The following BRINP3 variants were observed in gnomAD, a reference collection of about 807,000 sequenced individuals.
BRINP3 encodes BMP/retinoic acid inducible neural specific 3.
A neutral mutation model predicts 71.0 loss-of-function variants in BRINP3; 19 were observed. That is an observed-to-expected ratio of 0.27 (90% confidence interval 0.19 to 0.39). The LOEUF is 0.39. Ranked by LOEUF, BRINP3 falls within the 10% of genes least tolerant of loss-of-function variation. The pLI is 1.00. For synonymous variants in BRINP3, 380 were observed against 337.7 expected, an observed-to-expected ratio of 1.13 and a Z score of -1.37; for missense variants, 959 against 940.8, an observed-to-expected ratio of 1.02 and a Z score of -0.25.
chr1:190,158,459 T>TTA (rs535711800), intron 7 of BRINP3, among the ~76,000 whole-genome samples: 145 of 152,134 alleles, frequency 9.5e-4, no homozygotes, highest in African/African-American at 2.6e-3. Context: ...CTAGAGACTA[T>TTA]TAGAGTGGAG....
At chr1:190,197,278 A>G (rs780808214) in intron 6 of BRINP3, among the ~76,000 whole-genome samples, 2 of 152,172 alleles carry the variant, frequency 1.3e-5, no homozygotes, top group Non-Finnish European at 2.9e-5. Context: ...GGAAAGAGAC[A>G]GAGCCAAACC....
chr1:190,326,333 G>A lies in BRINP3; in HGVS notation c.237-44583C>T, dbSNP rs1571754539. ...ATTATTGGCATTCCTGAGAGAGAAG[G>A]AGAAAAAGCATATTTGAATATGCCA... On this transcript the variant is annotated intron_variant, in intron 2 of 7. Coordinates refer to ENST00000367462, the MANE Select transcript of BRINP3 (RefSeq NM_199051.3). 2.6e-5 allele frequency among the ~76,000 whole-genome samples: 4 copies of A among 152,116 alleles called. No individual in the cohort carries two copies. The South Asian group carries it at 8.3e-4, about 32-fold the overall frequency.
chr1:190,256,868 A>G (rs1660708619), intron 4 of BRINP3, among the ~76,000 whole-genome samples: 1 of 152,042 alleles, frequency 6.6e-6, no homozygotes, highest in African/African-American at 2.4e-5. Context: ...TTTTAGTCTG[A>G]CGTGCTACCC....
At chr1:190,180,207 A>C (rs1489179147) in intron 6 of BRINP3, among the ~76,000 whole-genome samples, 3 of 152,112 alleles carry the variant, frequency 2.0e-5, no homozygotes, top group Non-Finnish European at 4.4e-5. Flanking sequence ...TCCTAATTTC[A>C]CCTGTTTGGT....
At chr1:190,213,963 C>T (rs910285869) in intron 6 of BRINP3, among the ~76,000 whole-genome samples, 6 of 151,902 alleles carry the variant, frequency 3.9e-5, no homozygotes, top group Non-Finnish European at 7.4e-5. Flanking sequence ...AGAAAGCAAC[C>T]TGAGAAAACT....
intron 2 of BRINP3, among the ~76,000 whole-genome samples, chr1:190,353,285 T>C (rs956653952): frequency 6.6e-6 from 1 of 152,052 alleles, no homozygotes; most frequent in Non-Finnish European, 1.5e-5. Flanking sequence ...TACCATCTTT[T>C]AGTATTCCTC....
At chr1:190,310,673 A>G (rs1181343520) in intron 2 of BRINP3, among the ~76,000 whole-genome samples, 3 of 151,568 alleles carry the variant, frequency 2.0e-5, no homozygotes, top group Admixed American at 6.6e-5. Context: ...TGTTTACTCA[A>G]TCTCCCTCCC....
intron 2 of BRINP3, among the ~76,000 whole-genome samples, chr1:190,384,492 A>C (rs1193489475): frequency 2.6e-5 from 4 of 151,874 alleles, no homozygotes; most frequent in African/African-American, 9.7e-5. Flanking sequence ...ATCAAAATGT[A>C]GAAAACTATA....
intron 2 of BRINP3, among the ~76,000 whole-genome samples, chr1:190,305,251 G>C (rs1456656082): frequency 6.6e-6 from 1 of 151,778 alleles, no homozygotes; most frequent in African/African-American, 2.4e-5. Flanking sequence ...CCACTCCTGG[G>C]TAACTATCTG....
At position 190,454,642 on chromosome 1, in the gene BRINP3, C is replaced by T; in HGVS notation, c.236+13G>A. 6.2e-7 allele frequency: 1 copy of T among 1,604,780 alleles called. No homozygotes were observed. The highest frequency in any genetic ancestry group is 8.5e-7 in the Non-Finnish European group (1 of 1,172,628). ...GATGATATTTCTGTAATTGCTTTCC[C>T]TTTGCTTCATACCTGTATATCTTGT... On this transcript the variant is annotated intron_variant, in intron 2 of 7. Coordinates refer to ENST00000367462, the MANE Select transcript of BRINP3 (RefSeq NM_199051.3).
chr1:190,353,778 G>A (rs1186686236), intron 2 of BRINP3, among the ~76,000 whole-genome samples: 1 of 151,898 alleles, frequency 6.6e-6, no homozygotes, highest in Non-Finnish European at 1.5e-5. Flanking sequence ...TATTCCACCA[G>A]ACATGACTGT....
chr1:190,394,216 T>C (rs1671429990), intron 2 of BRINP3, among the ~76,000 whole-genome samples: 2 of 151,572 alleles, frequency 1.3e-5, no homozygotes, highest in Non-Finnish European at 3.0e-5. Flanking sequence ...TAACAATTTA[T>C]AATACTTTAA....
At chr1:190,319,080 C>G (rs1182107135) in intron 2 of BRINP3, among the ~76,000 whole-genome samples, 1 of 152,076 alleles carries the variant, frequency 6.6e-6, no homozygotes, top group African/African-American at 2.4e-5. Context: ...CCTGGTTGTG[C>G]TTATTCACCT....
intron 2 of BRINP3, among the ~76,000 whole-genome samples, chr1:190,309,024 C>G (rs1186388745): frequency 1.3e-5 from 2 of 151,836 alleles, no homozygotes; most frequent in African/African-American, 4.8e-5. Flanking sequence ...TTTACAATAT[C>G]TCAAAGGTCT....
chr1:190,287,835 T>A (rs1663552779), intron 2 of BRINP3, among the ~76,000 whole-genome samples: 1 of 152,034 alleles, frequency 6.6e-6, no homozygotes, highest in African/African-American at 2.4e-5. Context: ...CACTTCAGAT[T>A]TTTAAAATAT....
intron 2 of BRINP3, among the ~76,000 whole-genome samples, chr1:190,421,291 C>CATTATTATTATTATTATTACT (rs1673361830): frequency 1.5e-5 from 2 of 132,060 alleles, no homozygotes; most frequent in Non-Finnish European, 3.3e-5. Context: ...ACAAGATTCT[C>CATTATTATTATTATTATTACT]ATTATTATTA....
chr1:190,311,392 T>C (rs934751549), intron 2 of BRINP3, among the ~76,000 whole-genome samples: 2 of 151,540 alleles, frequency 1.3e-5, no homozygotes, highest in Admixed American at 1.3e-4. Context: ...AGATTAGTCC[T>C]AGTGTGAAAG....
chr1:190,136,459 T>C (rs145938460), intron 7 of BRINP3, among the ~76,000 whole-genome samples: 1 of 152,256 alleles, frequency 6.6e-6, no homozygotes. Flanking sequence ...CCATTAGCTA[T>C]GCACTAATTG....
chr1:190,200,015 T>A (rs1035759272), intron 6 of BRINP3, among the ~76,000 whole-genome samples: 11 of 152,122 alleles, frequency 7.2e-5, no homozygotes, highest in Non-Finnish European at 1.5e-4. Flanking sequence ...GGCCTCACTA[T>A]TGCCTAATTA....
Sources: gnomAD v4.1 joint callset for allele counts (sites outside exome capture counted in the v4.1 genomes callset) on GRCh38, gnomAD v4.1.1 for gene constraint, MANE v1.5 for transcripts, NCBI Gene and HGNC (gene_info 2026-07-23, HGNC 2026-07-21) for gene names.